EEFSEC: variants seen among roughly 807,000 people sequenced by gnomAD.
The protein encoded by EEFSEC is selenocysteine-specific elongation factor.
In EEFSEC, 43 loss-of-function variants were observed where a neutral mutation model predicts 42.1. That is an observed-to-expected ratio of 1.02 (90% confidence interval 0.80 to 1.32). EEFSEC has a LOEUF of 1.32. EEFSEC is among the 40% of genes most tolerant of loss of function. EEFSEC has a pLI of 0.00. For synonymous variants in EEFSEC, 354 were observed against 339.1 expected (o/e 1.04, Z -0.48); for missense variants, 745 against 803.6 (o/e 0.93, Z 0.88).
At chr3:128,372,097 A>G (rs529246741) in intron 6 of EEFSEC, among the ~76,000 whole-genome samples, 1 of 152,332 alleles carries the variant, frequency 6.6e-6, no homozygotes, top group African/African-American at 2.4e-5. Flanking sequence ...GAAAATTTGT[A>G]TTTTTCCATA....
chr3:128,240,646 A>C (rs2066059706), intron 1 of EEFSEC, among the ~76,000 whole-genome samples: 1 of 152,226 alleles, frequency 6.6e-6, no homozygotes, highest in South Asian at 2.1e-4. Context: ...AAACTGCAGA[A>C]GGAGGAAAAC....
rs1576625352 is a variant in EEFSEC, at chr3:128,307,370, T to G, written c.787-33863T>G. Reference sequence around the variant, plus strand: ...TTGGTTTATTGTTGGGGGTGGAGATTAGCAGGGGCTTTTCTTGTACCCTCT... The same window carrying G: ...TTGGTTTATTGTTGGGGGTGGAGATGAGCAGGGGCTTTTCTTGTACCCTCT... On this transcript the variant is annotated intron_variant, in intron 4 of 6. Coordinates refer to ENST00000254730, the MANE Select transcript of EEFSEC (RefSeq NM_021937.5). Among the ~76,000 whole-genome samples the G allele has an allele frequency of 2.6e-5, 4 of 152,294 alleles. No individual in the cohort carries two copies. In the South Asian group the frequency reaches 8.3e-4, roughly 32 times the overall value.
rs55918727 is a variant in EEFSEC at position 128,255,268 on chromosome 3, C to T, written c.525-6860C>T. On this transcript the variant is annotated intron_variant, in intron 2 of 6. Coordinates refer to ENST00000254730, the MANE Select transcript of EEFSEC (RefSeq NM_021937.5). ...GTGATGAAGAAGGGCCTCTCGGGGA[C>T]GTGAAGGATAGTCAAGGGCCATGGA... Among the ~76,000 whole-genome samples, 862 of 151,824 alleles carry T rather than the reference C, an allele frequency of 5.7e-3. 11 individuals carry two copies. Among genetic ancestry groups the T allele is most frequent in the African/African-American group, 0.02 (822 of 41,350 alleles).
At chr3:128,235,854 C>T (rs2066003284) in intron 1 of EEFSEC, among the ~76,000 whole-genome samples, 1 of 42,574 alleles carries the variant, frequency 2.3e-5, no homozygotes, top group South Asian at 6.7e-4. Flanking sequence ...GGGTGTTTGA[C>T]GGCCATTTGC....
intron 1 of EEFSEC, among the ~76,000 whole-genome samples, chr3:128,233,811 AGTTT>A (rs1438685354): frequency 6.6e-6 from 1 of 152,180 alleles, no homozygotes; most frequent in Non-Finnish European, 1.5e-5. Context: ...CCAGTCCTCC[AGTTT>A]GTTAGCTGTG....
chr3:128,347,400 G>A (rs7610572), intron 5 of EEFSEC, among the ~76,000 whole-genome samples: 2,269 of 152,250 alleles, frequency 0.015, 58 homozygotes, highest in African/African-American at 0.05. Context: ...GACTACTAGA[G>A]CATATGGTGA....
intron 6 of EEFSEC, among the ~76,000 whole-genome samples, chr3:128,379,473 G>A (rs1434784510): frequency 1.3e-5 from 2 of 152,154 alleles, no homozygotes; most frequent in South Asian, 2.1e-4. Flanking sequence ...TTTACAAGAC[G>A]GACCGTTCAC....
At chr3:128,254,644 G>A (rs1424739207) in intron 2 of EEFSEC, among the ~76,000 whole-genome samples, 1 of 152,148 alleles carries the variant, frequency 6.6e-6, no homozygotes, top group Non-Finnish European at 1.5e-5. Context: ...TGTGAGCTTG[G>A]GTTTTAAAAA....
intron 6 of EEFSEC, among the ~76,000 whole-genome samples, chr3:128,360,553 G>A (rs2067512404): frequency 6.6e-6 from 1 of 152,198 alleles, no homozygotes; most frequent in African/African-American, 2.4e-5. Context: ...CTCCCTTCCT[G>A]TAGCCCAAGG....
intron 6 of EEFSEC, among the ~76,000 whole-genome samples, chr3:128,396,391 T>TC (rs1411496986): frequency 6.6e-6 from 1 of 152,124 alleles, no homozygotes; most frequent in Non-Finnish European, 1.5e-5. Flanking sequence ...TCCCTGGGCC[T>TC]CCATTTCTAC....
At chr3:128,249,038 C>T (rs746510538) in intron 2 of EEFSEC, among the ~76,000 whole-genome samples, 5 of 152,186 alleles carry the variant, frequency 3.3e-5, no homozygotes, top group Non-Finnish European at 7.3e-5. Context: ...TTAGCTTTTA[C>T]CTCCATGAAG....
chr3:128,172,814 A>G (rs2065312287), intron 1 of EEFSEC, among the ~76,000 whole-genome samples: 1 of 152,242 alleles, frequency 6.6e-6, no homozygotes, highest in Non-Finnish European at 1.5e-5. Context: ...AATGCAATCT[A>G]GATGGGAGGT....
chr3:128,302,339 G>A (rs1000727752), intron 4 of EEFSEC, among the ~76,000 whole-genome samples: 1 of 152,140 alleles, frequency 6.6e-6, no homozygotes, highest in Non-Finnish European at 1.5e-5. Flanking sequence ...AAAACCCATG[G>A]CCATATTAAT....
chr3:128,352,042 G>T (rs1037181801), intron 5 of EEFSEC, among the ~76,000 whole-genome samples: 3 of 152,228 alleles, frequency 2.0e-5, no homozygotes, highest in African/African-American at 7.2e-5. Context: ...GGATGTGCTT[G>T]TGTCTGATCT....
At chr3:128,305,446 T>G (rs1447916692) in intron 4 of EEFSEC, among the ~76,000 whole-genome samples, 1 of 152,222 alleles carries the variant, frequency 6.6e-6, no homozygotes, top group African/African-American at 2.4e-5. Flanking sequence ...TAGTTATCTA[T>G]TCCTTAGAAG....
chr3:128,397,593 G>A (rs547152438), intron 6 of EEFSEC, among the ~76,000 whole-genome samples: 13 of 152,328 alleles, frequency 8.5e-5, no homozygotes, highest in African/African-American at 2.6e-4. Context: ...GCAGTCCAGT[G>A]TCCTTCCCAT....
the EEFSEC span, among the ~76,000 whole-genome samples, chr3:128,419,620 A>T: frequency 6.6e-6 from 1 of 152,100 alleles, no homozygotes; most frequent in Non-Finnish European, 1.5e-5. Flanking sequence ...TTGTTCAGAG[A>T]CTGTATCTGT....
intron 1 of EEFSEC, among the ~76,000 whole-genome samples, chr3:128,227,820 C>G (rs1336776469): frequency 6.6e-6 from 1 of 152,198 alleles, no homozygotes; most frequent in Non-Finnish European, 1.5e-5. Flanking sequence ...AGGGCCCATC[C>G]TCCCCTCATT....
chr3:128,416,403 G>A, the EEFSEC span, among the ~76,000 whole-genome samples: 41 of 152,200 alleles, frequency 2.7e-4, no homozygotes, highest in African/African-American at 8.4e-4. Flanking sequence ...AGCTCCACAC[G>A]CAGTCTCCTC....
Sources: gnomAD v4.1 joint callset for allele counts (sites outside exome capture counted in the v4.1 genomes callset) on GRCh38, gnomAD v4.1.1 for gene constraint, MANE v1.5 for transcripts, NCBI Gene and HGNC (gene_info 2026-07-23, HGNC 2026-07-21) for gene names.